Variants in GOLGA6L2 observed in about 807,000 individuals in gnomAD.
GOLGA6L2 encodes the protein golgin subfamily A member 6-like protein 2.
Under a neutral mutation model 35.9 loss-of-function variants are expected in GOLGA6L2, and 30 were observed. The ratio of observed to expected loss-of-function variants is 0.83; its 90% CI spans 0.62 to 1.13. The LOEUF (loss-of-function observed/expected upper bound fraction) is 1.13. Ranked by LOEUF, GOLGA6L2 falls within the 50% of genes most tolerant of loss-of-function variation. GOLGA6L2 has a pLI of 0.00. For missense variants in GOLGA6L2, 821 were observed against 973.4 expected (o/e 0.84, Z 2.08); for synonymous variants, 297 against 344.0 (o/e 0.86, Z 1.51).
rs4778531 is a variant in GOLGA6L2 at position 23,443,797 on chromosome 15, A to C, written c.571T>G (p.Trp191Gly). The C allele has an allele frequency of 6.5e-7, 1 of 1,538,684 alleles. No homozygotes were observed. Among genetic ancestry groups the C allele is most frequent in the East Asian group, 2.4e-5 (1 of 41,042 alleles). ...LQRALSAVST[W>G]HKKADRYIEE... ...CTTACCCTGTCTGCCTTCTTGTGCC[A>C]TGTGGACACAGCAGAGAGAGCCCGC... Residue 191 changes from tryptophan to glycine, a missense_variant, in exon 5 of 8, where the codon TGG becomes GGG. By Grantham distance (184) the Trp-to-Gly change is radical. Transcript: ENST00000567107.
At chr15:23,443,652 G>A (rs1188068685) in intron 5 of GOLGA6L2, 125 bp downstream of exon 5, 1 of 852,584 alleles carries the variant, frequency 1.2e-6, no homozygotes, top group African/African-American at 1.7e-5. Flanking sequence ...ACACACAAAA[G>A]CAGCAAGAAA....
chr15:23,444,590 G>C, intron 2 of GOLGA6L2, 90 bp from the exon 3 acceptor site: 1 of 1,165,400 alleles, frequency 8.6e-7, no homozygotes, highest in Non-Finnish European at 1.3e-6. Context: ...GTCAGGAATG[G>C]ATTTTAAAGG....
At position 23,441,690 on chromosome 15, in the gene GOLGA6L2, G is replaced by A; in HGVS notation, c.793-8C>T. 6.7e-7 allele frequency: 1 copy of A among 1,483,486 alleles called. No individual in the cohort carries two copies. The allele number at this position is 1,483,486 out of a possible 1,614,324, so 91.9% of individuals were successfully genotyped here. ...CAAAGTGTTGGTTTGAACCTCAAAA[G>A]GAAATAGACTTATGAACTAGCTATA... On this transcript the variant is annotated splice_region_variant and splice_polypyrimidine_tract_variant and intron_variant, in intron 7 of 7. Transcript: ENST00000567107.
intron 1 of GOLGA6L2, among the ~76,000 whole-genome samples, chr15:23,446,179 T>C (rs539612516): frequency 6.9e-6 from 1 of 145,574 alleles, no homozygotes; most frequent in Non-Finnish European, 1.5e-5. Context: ...AGAATTCAAA[T>C]ATGAGGTGGA....
chr15:23,440,028 T>C lies in GOLGA6L2; in HGVS notation c.2447A>G (p.Glu816Gly), dbSNP rs2070637417. 1 of 603,492 alleles carries C rather than the reference T, an allele frequency of 1.7e-6. No individual in the cohort carries two copies. The highest frequency in any genetic ancestry group is 3.0e-6 in the Non-Finnish European group (1 of 331,984). 37.4% of individuals were successfully genotyped at this position (603,492 alleles called of 1,614,324 possible). Residue 816 changes from glutamate to glycine, a missense_variant, in exon 8 of 8, where the codon GAA becomes GGA. By Grantham distance (98) the Glu-to-Gly change is moderately conservative (BLOSUM62 -2). Around this residue, in one of 7 missense-constraint regions of GOLGA6L2, gnomAD observed 99 missense variants for 199.9 expected, o/e 0.50. Coordinates refer to ENST00000567107, the MANE Select transcript of GOLGA6L2 (RefSeq NM_001304388.2). ...AGGEDAGAGG[E>G]DAGPGGEDAG... ...ATCTTCTCCTCCTGGCCCTGCATCT[T>C]CTCCTCCTGCTCCCGCATCTTCTCC...
Position 23,443,851 on chromosome 15 carries a change from G to A in GOLGA6L2, c.517C>T (p.His173Tyr), listed in dbSNP as rs2070726431. Reference protein sequence around the residue: ...ESKDLAGRLHHSWHFAGELQR... With the variant: ...ESKDLAGRLHYSWHFAGELQR... Reference sequence around the variant, plus strand: ...AACTCTCCTGCAAAGTGCCAGGAATGATGCAAGCGGCCGGCGAGATCCTTG... The same window carrying A: ...AACTCTCCTGCAAAGTGCCAGGAATAATGCAAGCGGCCGGCGAGATCCTTG... The change falls in exon 5 of 8, where the codon CAT (histidine) becomes TAT (tyrosine). Residue 173 changes from histidine (H) to tyrosine (Y), a missense_variant. His to Tyr is a moderately conservative substitution (Grantham distance 83). Coordinates refer to ENST00000567107, the MANE Select transcript of GOLGA6L2 (RefSeq NM_001304388.2). 1.3e-6 allele frequency: 2 copies of A among 1,540,540 alleles called. No individual in the cohort carries two copies. Among genetic ancestry groups the A allele is most frequent in the Non-Finnish European group, 1.7e-6 (2 of 1,149,500 alleles).
intron 3 of GOLGA6L2, 126 bp from the exon 4 acceptor site, chr15:23,444,338 C>A: frequency 6.8e-7 from 1 of 1,472,718 alleles, no homozygotes. Context: ...ATCAGGGACC[C>A]TGTGGGGATG....
At chr15:23,446,781 A>T (rs144710386) in intron 1 of GOLGA6L2, among the ~76,000 whole-genome samples, 1 of 151,518 alleles carries the variant, frequency 6.6e-6, no homozygotes, top group East Asian at 2.0e-4. Flanking sequence ...GCTGGGACAC[A>T]CAGGTCCTTG....
rs1445262151 is a variant in GOLGA6L2 at position 23,443,956 on chromosome 15, A to G, written c.412T>C (p.Ser138Pro). ...FEDGNLGTPSSFNLALSQAFR... is the reference protein window; with the variant it reads ...FEDGNLGTPSPFNLALSQAFR... The stretch of plus-strand genomic sequence containing the variant: ...GCCTGTGAAAGTGCCAGGTTGAAGG[A>G]TGATGGGGTGCCCAGGTTCCCATCT... Residue 138 changes from serine to proline, a missense_variant, in exon 5 of 8, where the codon TCC becomes CCC. Coordinates refer to ENST00000567107, the MANE Select transcript of GOLGA6L2 (RefSeq NM_001304388.2). 1.7e-5 allele frequency: 26 copies of G among 1,561,022 alleles called. No individual in the cohort carries two copies. Among genetic ancestry groups the G allele is most frequent in the Non-Finnish European group, 2.2e-5 (25 of 1,160,082 alleles).
Position 23,444,009 on chromosome 15 carries a change from T to C in GOLGA6L2, c.359A>G (p.Tyr120Cys). The change falls in exon 5 of 8, where the codon TAC (tyrosine) becomes TGC (cysteine). Residue 120 changes from tyrosine to cysteine, a missense_variant. Physicochemically the swap from Tyr to Cys is radical, Grantham distance 194. Transcript: ENST00000567107. ...QKTELETALYYSQDAARKFED... is the reference protein window; with the variant it reads ...QKTELETALYCSQDAARKFED... ...AAATTTCCTGGCAGCATCCTGGCTG[T>C]AATAGAGCGCTGTCTCCAGTTCAGT... is the stretch of plus-strand genomic sequence containing the variant. 6.4e-7 allele frequency: 1 copy of C among 1,552,660 alleles called. No individual in the cohort carries two copies. Among genetic ancestry groups the C allele is most frequent in the Non-Finnish European group, 8.7e-7 (1 of 1,155,418 alleles).
chr15:23,447,090 A>T lies in GOLGA6L2; in HGVS notation c.84+8T>A. 7.3e-7 allele frequency: 1 copy of T among 1,362,522 alleles called. No individual in the cohort carries two copies. Among genetic ancestry groups the T allele is most frequent in the Non-Finnish European group, 9.8e-7 (1 of 1,020,294 alleles). 84.4% of individuals were successfully genotyped at this position (1,362,522 alleles called of 1,614,324 possible). Reference sequence around the variant, plus strand: ...GGGGTTGGGGTGCCGCAACCCAGTGAGTTTTACCTTTTTCTTGGCCTCAGC... The same window carrying T: ...GGGGTTGGGGTGCCGCAACCCAGTGTGTTTTACCTTTTTCTTGGCCTCAGC... On this transcript the variant is annotated splice_region_variant and intron_variant, in intron 1 of 7. Coordinates refer to ENST00000567107, the MANE Select transcript of GOLGA6L2 (RefSeq NM_001304388.2).
At chr15:23,443,403 C>T (rs2070720763) in intron 5 of GOLGA6L2, among the ~76,000 whole-genome samples, 1 of 151,812 alleles carries the variant, frequency 6.6e-6, no homozygotes, top group Non-Finnish European at 1.5e-5. Flanking sequence ...CACACACACG[C>T]ACATGCACAC....
chr15:23,442,550 A>G (rs1312331653), intron 5 of GOLGA6L2, 42 bp from the exon 6 acceptor site: 17 of 1,560,478 alleles, frequency 1.1e-5, no homozygotes, highest in African/African-American at 1.4e-5. Context: ...AGCAGGCAGA[A>G]GAGCAGCTGG....
Position 23,439,457 on chromosome 15 carries a change from T to C in GOLGA6L2, c.*288A>G. On this transcript the variant is annotated 3_prime_UTR_variant, in exon 8 of 8. Coordinates refer to ENST00000567107, the MANE Select transcript of GOLGA6L2 (RefSeq NM_001304388.2). ...AGTAAATTTTCTTTTCTTTTTTTTT[T>C]TTTTTTTCAAGTTTGTGCTCAGACT... 1 of 676,214 alleles carries C rather than the reference T, an allele frequency of 1.5e-6. No individual in the cohort carries two copies. Among genetic ancestry groups the C allele is most frequent in the Non-Finnish European group, 2.2e-6 (1 of 453,816 alleles). 41.9% of individuals were successfully genotyped at this position (676,214 alleles called of 1,614,324 possible).
rs1197356879 is a variant in GOLGA6L2, at chr15:23,441,310, C to T, written c.1165G>A (p.Glu389Lys). The T allele has an allele frequency of 3.2e-6, 5 of 1,538,654 alleles. No individual in the cohort carries two copies. The highest frequency in any genetic ancestry group is 1.2e-5 in the South Asian group (1 of 83,938). The stretch of plus-strand genomic sequence containing the variant: ...TCCTCTTGGTCCCGCATCTTCTGCT[C>T]CTGCTCCCGCATCTGCTTCTCCTGC... ...WEQEKQMREQ[E>K]QKMRDQEERM... is the part of the protein sequence containing the mutation. Residue 389 changes from glutamate to lysine, a missense_variant, in exon 8 of 8, where the codon GAG becomes AAG. Glu to Lys is a moderately conservative substitution (Grantham distance 56). Around this residue, in one of 7 missense-constraint regions of GOLGA6L2, gnomAD observed 614 missense variants for 632.3 expected, o/e 0.97. Coordinates refer to ENST00000567107, the MANE Select transcript of GOLGA6L2 (RefSeq NM_001304388.2).
rs1263353370 is a variant in GOLGA6L2 at position 23,441,440 on chromosome 15, C to T, written c.1035G>A (p.Glu345=). Residue 345 remains glutamate, a synonymous_variant, in exon 8 of 8, where the codon GAG becomes GAA. Transcript: ENST00000567107. The stretch of plus-strand genomic sequence containing the variant: ...CCTGCTCCTGCATCTGCTCCTCCTG[C>T]TCCCGCAGCTTCTTCTGCTCCCGCA... ...KELREQKKLR[E]QEEQMQEQEE... is the part of the protein sequence containing the mutation. The T allele has an allele frequency of 6.6e-5, 93 of 1,405,124 alleles. No individual in the cohort carries two copies. The highest frequency in any genetic ancestry group is 8.6e-5 in the Non-Finnish European group (90 of 1,049,916). 87.0% of individuals were successfully genotyped at this position (1,405,124 alleles called of 1,614,324 possible).
At chr15:23,446,366 C>T (rs768823388) in intron 1 of GOLGA6L2, among the ~76,000 whole-genome samples, 53 of 152,154 alleles carry the variant, frequency 3.5e-4, no homozygotes, top group Admixed American at 3.3e-3. Context: ...CAGCCTGAAA[C>T]TTCTCGCTGC....
Position 23,441,917 on chromosome 15 carries a change from T to A in GOLGA6L2, c.792+62A>T. The stretch of plus-strand genomic sequence containing the variant: ...TGGACCCTCCCCATACCTTGCATGA[T>A]CCCTAGACCATGGTCCTAGCTGGAT... On this transcript the variant is annotated intron_variant, in intron 7 of 7. Coordinates refer to ENST00000567107, the MANE Select transcript of GOLGA6L2 (RefSeq NM_001304388.2). 6 of 1,520,240 alleles carry A rather than the reference T, an allele frequency of 3.9e-6. No homozygotes were observed. In the South Asian group the frequency reaches 6.1e-5, roughly 15 times the overall value. 94.2% of individuals were successfully genotyped at this position (1,520,240 alleles called of 1,614,324 possible).
Position 23,447,098 on chromosome 15 carries a change from C to A in GOLGA6L2, c.84G>T (p.Lys28Asn), listed in dbSNP as rs1440938998. ...GGTGCCGCAACCCAGTGAGTTTTAC[C>A]TTTTTCTTGGCCTCAGCCAATTTGT... ...RQNKLAEAKK[K>N]FTDYRQWNIA... Residue 28 changes from lysine to asparagine, a missense_variant and splice_region_variant, in exon 1 of 8, where the codon AAG (lysine) becomes AAT (asparagine). Lys to Asn is a moderately conservative substitution (Grantham distance 94, BLOSUM62 0). Transcript: ENST00000567107. 6.7e-7 allele frequency: 1 copy of A among 1,488,448 alleles called. No individual in the cohort carries two copies. Among genetic ancestry groups the A allele is most frequent in the South Asian group, 1.2e-5 (1 of 85,238 alleles). The allele number at this position is 1,488,448 out of a possible 1,614,324, so 92.2% of individuals were successfully genotyped here. A position where few individuals can be genotyped will look rare whatever the true frequency, so the allele number is the denominator to read the frequency against.
Sources: allele counts gnomAD v4.1 joint callset (sites outside exome capture counted in the v4.1 genomes callset), GRCh38; gene constraint gnomAD v4.1.1; regional missense constraint gnomAD v4.1.1; transcripts MANE v1.5; gene names NCBI Gene and HGNC (gene_info 2026-07-23, HGNC 2026-07-21).